FGGY: variants seen among roughly 807,000 people sequenced by gnomAD.
FGGY encodes FGGY carbohydrate kinase domain-containing protein.
A neutral mutation model predicts 71.3 loss-of-function variants in FGGY; 72 were observed. The observed-to-expected ratio is 1.01, with a 90% CI of 0.84 to 1.23. The LOEUF (loss-of-function observed/expected upper bound fraction) is 1.23. FGGY is among the 50% of genes most tolerant of loss of function. FGGY has a pLI of 0.00. For synonymous variants in FGGY, 251 were observed against 250.3 expected (o/e 1.00, Z -0.02); for missense variants, 668 against 682.3 (o/e 0.98, Z 0.23).
intron 8 of FGGY, among the ~76,000 whole-genome samples, chr1:59,585,082 T>C (rs1571646329): frequency 6.6e-6 from 1 of 152,178 alleles, no homozygotes; most frequent in Admixed American, 6.5e-5. Context: ...ATCATGAAAA[T>C]GGCCATACTG....
chr1:59,457,196 C>T (rs2091789904), intron 6 of FGGY, 120 bp downstream of exon 6: 1 of 707,408 alleles, frequency 1.4e-6, no homozygotes, highest in East Asian at 2.8e-5. Flanking sequence ...GAATGAAGTT[C>T]ACTTTTTCCA....
intron 9 of FGGY, among the ~76,000 whole-genome samples, chr1:59,622,235 A>G (rs374639645): frequency 1.5e-4 from 23 of 152,126 alleles, no homozygotes; most frequent in African/African-American, 5.1e-4. Flanking sequence ...TACATCCTTA[A>G]GCATTGTTAA....
At chr1:59,688,158 C>T (rs931534408) in intron 14 of FGGY, among the ~76,000 whole-genome samples, 4 of 152,190 alleles carry the variant, frequency 2.6e-5, no homozygotes, top group Non-Finnish European at 5.9e-5. Context: ...CATAGCCAAG[C>T]ACACTACAAG....
At chr1:59,445,436 T>C (rs2071025298) in intron 5 of FGGY, among the ~76,000 whole-genome samples, 1 of 152,234 alleles carries the variant, frequency 6.6e-6, no homozygotes, top group South Asian at 2.1e-4. Flanking sequence ...ATGCCTTCAG[T>C]ATGGTTCCTG....
At position 59,667,397 on chromosome 1, in the gene FGGY, A is replaced by G; in HGVS notation, c.1411A>G (p.Ile471Val). 6.2e-7 allele frequency: 1 copy of G among 1,614,104 alleles called. No individual in the cohort carries two copies. Among genetic ancestry groups the G allele is most frequent in the Non-Finnish European group, 8.5e-7 (1 of 1,179,978 alleles). ...NPLFVQMHADITGMPVVLSQE... is the reference protein window; with the variant it reads ...NPLFVQMHADVTGMPVVLSQE... The stretch of plus-strand genomic sequence containing the variant: ...CCTTTTTGTGCAAATGCATGCGGAC[A>G]TTACTGGTAAGTCTGGGAAAGAGGA... Residue 471 changes from isoleucine to valine, a missense_variant, in exon 13 of 16, where the codon ATT becomes GTT. Coordinates refer to ENST00000303721, the MANE Select transcript of FGGY (RefSeq NM_018291.5).
At chr1:59,319,102 G>T (rs781364243) in intron 1 of FGGY, among the ~76,000 whole-genome samples, 2 of 152,190 alleles carry the variant, frequency 1.3e-5, no homozygotes, top group Non-Finnish European at 2.9e-5. Flanking sequence ...GTCACTGATT[G>T]CAAGATGCAC....
intron 7 of FGGY, among the ~76,000 whole-genome samples, chr1:59,550,405 C>T (rs1156703420): frequency 6.7e-6 from 1 of 150,196 alleles, no homozygotes; most frequent in Non-Finnish European, 1.5e-5. Flanking sequence ...AAGATGTCAG[C>T]TCTCCGACTC....
At chr1:59,749,384 G>T (rs2098226492) in intron 14 of FGGY, among the ~76,000 whole-genome samples, 1 of 152,154 alleles carries the variant, frequency 6.6e-6, no homozygotes, top group Admixed American at 6.6e-5. Flanking sequence ...GCTGGACTGA[G>T]CCCTGAAGCT....
chr1:59,317,378 G>A (rs536827871), intron 1 of FGGY, among the ~76,000 whole-genome samples: 3 of 152,286 alleles, frequency 2.0e-5, no homozygotes, highest in Admixed American at 1.3e-4. Flanking sequence ...AGTGGTGATA[G>A]GTTTACCAAA....
At chr1:59,491,049 T>TTCCTTTCCTTCCCTCCCTCCCTC (rs1570024110) in intron 6 of FGGY, among the ~76,000 whole-genome samples, 1 of 1,618 alleles carries the variant, frequency 6.2e-4, no homozygotes, top group Non-Finnish European at 9.7e-4. Context: ...CTTCCTTCCT[T>TTCCTTTCCTTCCCTCCCTCCCTC]CCTTCCTTCC....
intron 11 of FGGY, among the ~76,000 whole-genome samples, chr1:59,646,367 G>A (rs998376803): frequency 2.0e-5 from 3 of 151,404 alleles, no homozygotes; most frequent in African/African-American, 7.3e-5. Flanking sequence ...CTATAACAAA[G>A]CTTAATATCC....
chr1:59,506,649 A>C (rs1430344689), intron 6 of FGGY, among the ~76,000 whole-genome samples: 1 of 152,216 alleles, frequency 6.6e-6, no homozygotes, highest in East Asian at 1.9e-4. Flanking sequence ...AAATACAAAA[A>C]TTAGCCAGCC....
intron 6 of FGGY, among the ~76,000 whole-genome samples, chr1:59,466,054 C>G (rs954618668): frequency 3.3e-5 from 5 of 152,156 alleles, no homozygotes; most frequent in Admixed American, 2.6e-4. Context: ...CCAAGACAAT[C>G]CTAAGCAAAA....
chr1:59,315,913 A>T (rs1002106654), intron 1 of FGGY, among the ~76,000 whole-genome samples: 1 of 152,174 alleles, frequency 6.6e-6, no homozygotes, highest in Non-Finnish European at 1.5e-5. Context: ...AGAAATTTTC[A>T]TGTTTAGAGG....
chr1:59,370,115 C>T (rs192653974), intron 4 of FGGY, among the ~76,000 whole-genome samples: 12 of 152,144 alleles, frequency 7.9e-5, no homozygotes, highest in African/African-American at 2.2e-4. Flanking sequence ...GAAACTACTC[C>T]GAGCTACTGG....
chr1:59,752,992 T>C (rs1476444448), intron 14 of FGGY, among the ~76,000 whole-genome samples: 1 of 152,184 alleles, frequency 6.6e-6, no homozygotes, highest in Non-Finnish European at 1.5e-5. Context: ...TTACAAAATA[T>C]TTTGTTTTTA....
chr1:59,416,386 G>A (rs982669534), intron 5 of FGGY, among the ~76,000 whole-genome samples: 4 of 151,978 alleles, frequency 2.6e-5, no homozygotes, highest in Non-Finnish European at 4.4e-5. Context: ...TCTTTAGTGG[G>A]GGCGATAGTG....
chr1:59,595,789 C>G (rs1417092190), intron 8 of FGGY, among the ~76,000 whole-genome samples: 2 of 152,160 alleles, frequency 1.3e-5, no homozygotes, highest in Admixed American at 1.3e-4. Flanking sequence ...ATTTGACAGA[C>G]AGTTGCTTTT....
At chr1:59,317,901 AG>A (rs1364134905) in intron 1 of FGGY, among the ~76,000 whole-genome samples, 1 of 152,182 alleles carries the variant, frequency 6.6e-6, no homozygotes, top group East Asian at 1.9e-4. Flanking sequence ...ATATTTTGCT[AG>A]AAGCAGGCCA....
Sources: allele counts gnomAD v4.1 joint callset (sites outside exome capture counted in the v4.1 genomes callset), GRCh38; gene constraint gnomAD v4.1.1; transcripts MANE v1.5; gene names NCBI Gene and HGNC (gene_info 2026-07-23, HGNC 2026-07-21).